SFXN3: variants seen among roughly 807,000 people sequenced by gnomAD.
SFXN3 encodes the protein sideroflexin 3.
Under a neutral mutation model 40.4 loss-of-function variants are expected in SFXN3, and 31 were observed. The ratio of observed to expected loss-of-function variants is 0.77; its 90% CI spans 0.58 to 1.04. SFXN3 has a LOEUF of 1.04. Ranked by LOEUF, SFXN3 falls within the 50% of genes least tolerant of loss-of-function variation. The pLI is 0.00. For synonymous variants in SFXN3, 157 were observed against 160.0 expected (o/e 0.98, Z 0.14); for missense variants, 366 against 408.2 (o/e 0.90, Z 0.89).
rs927217625 is a variant in SFXN3 at position 101,036,936 on chromosome 10, C to T, written c.593+128C>T. 25 of 1,520,328 alleles carry T rather than the reference C, an allele frequency of 1.6e-5. No homozygotes were observed. The highest frequency in any genetic ancestry group is 2.0e-5 in the Non-Finnish European group (23 of 1,128,092). 94.2% of individuals were successfully genotyped at this position (1,520,328 alleles called of 1,614,324 possible). ...ATGAGCTGCTGGGCCCTGGCTCAGT[C>T]TGACCCTGGGATCCTCAGGTGGGAG... On this transcript the variant is annotated intron_variant, in intron 7 of 11. Coordinates refer to ENST00000393459, the Ensembl canonical transcript of SFXN3. This position sits in a 1 kb window ranked among gnomAD's most constrained non-coding sequence, Gnocchi z 4.2.
At chr10:101,038,680 T>G (rs200916408) in exon 10 of SFXN3, 1 of 1,612,258 alleles carries the variant, frequency 6.2e-7, no homozygotes, top group East Asian at 2.2e-5. Context: ...CAGGTGGGAC[T>G]GGTGGGCTTC....
chr10:101,039,263 G>C lies in SFXN3; in HGVS notation c.869+41G>C. The C allele has an allele frequency of 6.4e-7, 1 of 1,558,046 alleles. No homozygotes were observed. Among genetic ancestry groups the C allele is most frequent in the Middle Eastern group, 1.7e-4 (1 of 5,838 alleles). On this transcript the variant is annotated intron_variant, in intron 11 of 11. Coordinates refer to ENST00000393459, the Ensembl canonical transcript of SFXN3. The surrounding 1 kb of genome is among the most constrained non-coding windows in gnomAD (Gnocchi z 4.6). The stretch of plus-strand genomic sequence containing the variant: ...GGGCTGGGTGGGGGACTCTGGATTG[G>C]ACTCTGCATCTCTGGACCAGCTGAC...
In SFXN3 at chr10:101,036,797, G is replaced by C; in HGVS notation, c.582G>C (p.Leu194=). The C allele has an allele frequency of 6.2e-7, 1 of 1,613,790 alleles. No homozygotes were observed. Among genetic ancestry groups the C allele is most frequent in the Non-Finnish European group, 8.5e-7 (1 of 1,179,696 alleles). The change falls in exon 7 of 12, where the codon CTG becomes CTC. Residue 194 remains leucine, a synonymous_variant. Coordinates refer to ENST00000393459, the Ensembl canonical transcript of SFXN3. This position sits in a 1 kb window ranked among gnomAD's most constrained non-coding sequence, Gnocchi z 4.2. ...CTGCCAACTGCATCAACATCCCCCT[G>C]ATGAGGCAGAGGTGAGTGACCCCGG... is the stretch of plus-strand genomic sequence containing the variant.
At chr10:101,032,076 C>T in intron 1 of SFXN3, 1 of 210,866 alleles carries the variant, frequency 4.7e-6, no homozygotes, top group Non-Finnish European at 9.4e-6. Flanking sequence ...CACCTGCGCC[C>T]GGGGCTTTCT....
chr10:101,038,547 A>G lies in SFXN3; in HGVS notation c.772-96A>G, dbSNP rs946125272. ...AACGGCCACAGGTCTAAGGGCTCCAAGGCAAGGCTGATGGGATAGAGCTAT... is the reference window on the plus strand; with the variant it reads ...AACGGCCACAGGTCTAAGGGCTCCAGGGCAAGGCTGATGGGATAGAGCTAT... On this transcript the variant is annotated intron_variant, in intron 9 of 11. Coordinates refer to ENST00000393459, the Ensembl canonical transcript of SFXN3. 8 of 1,608,586 alleles carry G rather than the reference A, an allele frequency of 5.0e-6. No homozygotes were observed. The African/African-American group carries it at 8.0e-5, about 16-fold the overall frequency.
At chr10:101,034,751 T>C (rs770375364) in exon 3 of SFXN3, 1 of 1,614,194 alleles carries the variant, frequency 6.2e-7, no homozygotes, top group Non-Finnish European at 8.5e-7. Context: ...ACCAAAGTAC[T>C]TTCCTGGGCA....
At chr10:101,037,541 C>A in intron 9 of SFXN3, 110 bp downstream of exon 9, 1 of 1,605,328 alleles carries the variant, frequency 6.2e-7, no homozygotes, top group South Asian at 1.1e-5. Context: ...GCCAGCCCTT[C>A]TCCTGACCCC....
At chr10:101,032,279 G>A in intron 1 of SFXN3, 35 bp from the exon 2 acceptor site, 1 of 570,124 alleles carries the variant, frequency 1.8e-6, no homozygotes. Flanking sequence ...GCCCAGGCTG[G>A]GGGCATCGCC....
At chr10:101,033,889 A>G (rs1938452173) in intron 2 of SFXN3, among the ~76,000 whole-genome samples, 2 of 152,018 alleles carry the variant, frequency 1.3e-5, no homozygotes, top group South Asian at 2.1e-4. Context: ...TCTCCACCCA[A>G]ACATCTCAGC....
rs763552188 is a variant in SFXN3 at position 101,037,442 on chromosome 10, G to A, written c.771+11G>A. On this transcript the variant is annotated intron_variant, in intron 9 of 11. Transcript: ENST00000393459. ...AAAGACTTCCTGAAGGTAGGCGACT[G>A]TACCTCTCTTGTCCTGGAATGGGCG... 2.5e-6 allele frequency: 4 copies of A among 1,614,214 alleles called. No individual in the cohort carries two copies. Among genetic ancestry groups the A allele is most frequent in the Non-Finnish European group, 2.5e-6 (3 of 1,180,036 alleles).
rs767711062 is a variant in SFXN3, at chr10:101,034,672, C to A, written c.-3-20C>A. ...TTGGACCCTTGGACTCCCGCTCTGA[C>A]CCTTATCTCTGTCCTGCAGAAAATG... On this transcript the variant is annotated intron_variant, in intron 2 of 11. Coordinates refer to ENST00000393459, the Ensembl canonical transcript of SFXN3. The A allele has an allele frequency of 4.8e-5, 78 of 1,612,980 alleles. No individual in the cohort carries two copies. Among genetic ancestry groups the A allele is most frequent in the Non-Finnish European group, 6.4e-5 (75 of 1,179,472 alleles).
At chr10:101,032,328 C>T (rs1010274220) in exon 2 of SFXN3, 4 of 938,876 alleles carry the variant, frequency 4.3e-6, no homozygotes, top group East Asian at 3.1e-5. Context: ...TGCCAATCCC[C>T]GTGCCCACCG....
At chr10:101,034,939 G>A in intron 3 of SFXN3, 84 bp downstream of exon 3, 1 of 1,504,932 alleles carries the variant, frequency 6.6e-7, no homozygotes, top group Non-Finnish European at 9.0e-7. Context: ...GCCTCCTCAA[G>A]CTTGACAGTG....
exon 4 of SFXN3, chr10:101,035,631 A>G (rs1345745876): frequency 6.2e-7 from 1 of 1,613,772 alleles, no homozygotes; most frequent in Admixed American, 1.7e-5. Flanking sequence ...GTGCCCATGA[A>G]CATGACCATC....
At position 101,038,710 on chromosome 10, in the gene SFXN3, T is replaced by C. The variant is rs775270668; in HGVS notation, c.821+18T>C. 9 of 1,607,764 alleles carry C rather than the reference T, an allele frequency of 5.6e-6. No homozygotes were observed. Among genetic ancestry groups the C allele is most frequent in the Admixed American group, 1.7e-5 (1 of 59,990 alleles). On this transcript the variant is annotated intron_variant, in intron 10 of 11. Coordinates refer to ENST00000393459, the Ensembl canonical transcript of SFXN3. ...GGCTTCTGGTAAGTGTGCAAGGAGT[T>C]AGCTGGGGTGTGTGGGAGTGCCTTG...
intron 9 of SFXN3, chr10:101,037,802 C>A: frequency 8.8e-7 from 1 of 1,133,420 alleles, no homozygotes; most frequent in South Asian, 2.8e-5. Context: ...GAACAGGACA[C>A]GAAAGCAAAG....
Position 101,036,757 on chromosome 10 carries a change from T to C in SFXN3, c.542T>C (p.Phe181Ser), listed in dbSNP as rs1204494269. 6.2e-7 allele frequency: 1 copy of C among 1,613,826 alleles called. No individual in the cohort carries two copies. Among genetic ancestry groups the C allele is most frequent in the Non-Finnish European group, 8.5e-7 (1 of 1,179,714 alleles). The change falls in exon 7 of 12, where the codon TTT becomes TCT. Residue 181 changes from phenylalanine to serine, a missense_variant. Coordinates refer to ENST00000393459, the Ensembl canonical transcript of SFXN3. The surrounding 1 kb of genome is among the most constrained non-coding windows in gnomAD (Gnocchi z 4.2). ...CCCTTGGTCGGCAGATTTGTGCCCT[T>C]TGCAGCAGTGGCAGCTGCCAACTGC...
chr10:101,037,294 G>C, intron 8 of SFXN3, 88 bp from the exon 9 acceptor site: 1 of 1,613,826 alleles, frequency 6.2e-7, no homozygotes. Flanking sequence ...GGGAGAGAGG[G>C]AGGAGCTTTG....
chr10:101,037,329 T>A (rs374598284), intron 8 of SFXN3, 53 bp from the exon 9 acceptor site: 3 of 1,614,046 alleles, frequency 1.9e-6, no homozygotes, highest in Non-Finnish European at 2.5e-6. Flanking sequence ...TCACAGTTCC[T>A]GACTTTAACT....
Sources: allele counts gnomAD v4.1 joint callset (sites outside exome capture counted in the v4.1 genomes callset), GRCh38; gene constraint gnomAD v4.1.1; non-coding constraint Gnocchi (gnomAD v3.1); transcripts MANE v1.5; gene names NCBI Gene and HGNC (gene_info 2026-07-23, HGNC 2026-07-21).